Variants in PIAS1 observed in about 807,000 individuals in gnomAD.
PIAS1 encodes E3 SUMO-protein ligase PIAS1.
In PIAS1, 6 loss-of-function variants were observed where a neutral mutation model predicts 71.3. The ratio of observed to expected loss-of-function variants is 0.08; its 90% CI spans 0.05 to 0.17. The LOEUF is 0.17. Among genes scored for constraint, PIAS1 ranks in the 10% least tolerant of loss-of-function variants. The pLI, the probability that PIAS1 is intolerant of heterozygous loss-of-function variation, is 1.00. For synonymous variants in PIAS1, 303 were observed against 292.9 expected, an observed-to-expected ratio of 1.03 and a Z score of -0.35; for missense variants, 555 against 793.6, an observed-to-expected ratio of 0.70 and a Z score of 3.61.
intron 2 of PIAS1, chr15:68,087,699 C>A (rs754545339): frequency 1.6e-4 from 34 of 218,154 alleles, no homozygotes; most frequent in Non-Finnish European, 2.7e-4. Flanking sequence ...CTTGTGAATC[C>A]CTGTTACAGA....
At chr15:68,176,422 G>C in intron 10 of PIAS1, 52 bp from the exon 11 acceptor site, 2 of 1,214,224 alleles carry the variant, frequency 1.6e-6, no homozygotes, top group Non-Finnish European at 2.3e-6. Flanking sequence ...ACTGAGAAAA[G>C]AGAGATGTCA....
At chr15:68,070,946 T>C (rs2092088665) in intron 1 of PIAS1, among the ~76,000 whole-genome samples, 1 of 152,062 alleles carries the variant, frequency 6.6e-6, no homozygotes, top group African/African-American at 2.4e-5. Flanking sequence ...ATGTGGCTAG[T>C]AGCACATTTA....
At chr15:68,154,220 T>C (rs1453278905) in intron 7 of PIAS1, among the ~76,000 whole-genome samples, 1 of 152,232 alleles carries the variant, frequency 6.6e-6, no homozygotes, top group Non-Finnish European at 1.5e-5. Context: ...CTGCGAAGTC[T>C]GGGTTCATAC....
intron 2 of PIAS1, among the ~76,000 whole-genome samples, chr15:68,094,132 C>CTA (rs149657600): frequency 0.053 from 7,948 of 151,218 alleles, 668 homozygotes; most frequent in African/African-American, 0.18. Context: ...ATTTTCTGGG[C>CTA]TATATATATA....
chr15:68,136,071 T>C (rs2092731835), intron 2 of PIAS1, among the ~76,000 whole-genome samples: 1 of 57,708 alleles, frequency 1.7e-5, no homozygotes, highest in Non-Finnish European at 6.6e-5. Context: ...GCTCCTCACT[T>C]CCCAGACGGG....
Position 68,173,930 on chromosome 15 carries a change from C to T in PIAS1, c.1169+38C>T, listed in dbSNP as rs368219935. On this transcript the variant is annotated intron_variant, in intron 9 of 13. Transcript: ENST00000249636. This position sits in a 1 kb window ranked among gnomAD's most constrained non-coding sequence, Gnocchi z 4.3. ...AAGTGTTTTTGGTACCTTGAAATGA[C>T]CATATATTATCTGGGTTTGTTACAC... is the stretch of plus-strand genomic sequence containing the variant. 4 of 1,309,422 alleles carry T rather than the reference C, an allele frequency of 3.1e-6. No homozygotes were observed. Among genetic ancestry groups the T allele is most frequent in the African/African-American group, 1.5e-5 (1 of 67,008 alleles). The allele number at this position is 1,309,422 out of a possible 1,614,324, so 81.1% of individuals were successfully genotyped here. A position where few individuals can be genotyped will look rare whatever the true frequency, so the allele number is the denominator to read the frequency against.
At chr15:68,106,239 A>T (rs2092467456) in intron 2 of PIAS1, among the ~76,000 whole-genome samples, 1 of 151,902 alleles carries the variant, frequency 6.6e-6, no homozygotes, top group Non-Finnish European at 1.5e-5. Context: ...AGAGAAAGAA[A>T]TGAGAATATG....
chr15:68,080,384 T>G (rs535545636), intron 1 of PIAS1, among the ~76,000 whole-genome samples: 14 of 152,106 alleles, frequency 9.2e-5, no homozygotes, highest in Non-Finnish European at 1.9e-4. Flanking sequence ...CCTGGAGAGG[T>G]GGAAGATAAT....
At chr15:68,147,412 A>G (rs541074570) in intron 6 of PIAS1, among the ~76,000 whole-genome samples, 72 of 151,984 alleles carry the variant, frequency 4.7e-4, no homozygotes, top group African/African-American at 1.4e-3. Flanking sequence ...CTGTTTCTCT[A>G]TTGCTGTTTT....
At position 68,188,082 on chromosome 15, in the gene PIAS1, A is replaced by G; in HGVS notation, c.*247A>G. On this transcript the variant is annotated 3_prime_UTR_variant, in exon 14 of 14. Transcript: ENST00000249636. ...ACTTGTTTAAAAAAAAAAAGGAAAGAAAAGAAAAAAGAAAAACAAGCACCC... is the reference window on the plus strand; with the variant it reads ...ACTTGTTTAAAAAAAAAAAGGAAAGGAAAGAAAAAAGAAAAACAAGCACCC... The G allele has an allele frequency of 3.6e-6, 1 of 281,650 alleles. No homozygotes were observed. The highest frequency in any genetic ancestry group is 6.6e-6 in the Non-Finnish European group (1 of 151,318). The allele number at this position is 281,650 out of a possible 1,614,324, so 17.4% of individuals were successfully genotyped here.
chr15:68,137,768 A>T (rs772769152), intron 2 of PIAS1, among the ~76,000 whole-genome samples: 6 of 152,258 alleles, frequency 3.9e-5, no homozygotes, highest in Non-Finnish European at 7.3e-5. Context: ...GAAAGTAGTT[A>T]ATGAAAGTAG....
Position 68,055,940 on chromosome 15 carries a change from A to G in PIAS1, c.24+1590A>G, listed in dbSNP as rs1185053895. ...TATTGGCTTTGAGTGTCATTCTTTTAAAATGTACTTCTAATTACAAATTTA... is the reference window on the plus strand; with the variant it reads ...TATTGGCTTTGAGTGTCATTCTTTTGAAATGTACTTCTAATTACAAATTTA... On this transcript the variant is annotated intron_variant, in intron 1 of 13. Transcript: ENST00000249636. 5.7e-6 allele frequency: 4 copies of G among 699,768 alleles called. No individual in the cohort carries two copies. The Admixed American group carries it at 8.0e-5, about 14-fold the overall frequency. The allele number at this position is 699,768 out of a possible 1,614,324, so 43.3% of individuals were successfully genotyped here. A position where few individuals can be genotyped will look rare whatever the true frequency, so the allele number is the denominator to read the frequency against.
intron 2 of PIAS1, among the ~76,000 whole-genome samples, chr15:68,122,158 A>G (rs1397124684): frequency 6.6e-6 from 1 of 152,102 alleles, no homozygotes; most frequent in Non-Finnish European, 1.5e-5. Context: ...CTTTAAGGGC[A>G]AAGGATAATC....
In PIAS1 at chr15:68,092,048, CTT is replaced by C. The variant is rs1481442829; in HGVS notation, c.469+5301_469+5302del. Among the ~76,000 whole-genome samples, 4 of 152,256 alleles carry C rather than the reference CTT, an allele frequency of 2.6e-5. No individual in the cohort carries two copies. In the East Asian group the frequency reaches 7.7e-4, roughly 29 times the overall value. ...CAAATTTTACCTTCTCAGGGGATGT[CTT>C]TTCAAGTTTTTAAATATCTCAGGCA... On this transcript the variant is annotated intron_variant, in intron 2 of 13. Transcript: ENST00000249636.
chr15:68,117,096 C>G (rs1415514514), intron 2 of PIAS1, among the ~76,000 whole-genome samples: 1 of 151,884 alleles, frequency 6.6e-6, no homozygotes, highest in Admixed American at 6.6e-5. Context: ...GTTGCTGTTT[C>G]GTTTCTTGAG....
chr15:68,080,383 G>A (rs938658918), intron 1 of PIAS1, among the ~76,000 whole-genome samples: 2 of 152,172 alleles, frequency 1.3e-5, no homozygotes, highest in Non-Finnish European at 2.9e-5. Flanking sequence ...ACCTGGAGAG[G>A]TGGAAGATAA....
intron 2 of PIAS1, among the ~76,000 whole-genome samples, chr15:68,096,970 A>G (rs1355659385): frequency 6.6e-6 from 1 of 152,184 alleles, no homozygotes; most frequent in African/African-American, 2.4e-5. Flanking sequence ...AGTGGCAAGA[A>G]TTGCCTTGTT....
intron 1 of PIAS1, among the ~76,000 whole-genome samples, chr15:68,068,028 A>G (rs2092048020): frequency 1.3e-5 from 2 of 152,166 alleles, no homozygotes. Context: ...AGCATTCTTC[A>G]AAGAGGAGGA....
intron 1 of PIAS1, among the ~76,000 whole-genome samples, chr15:68,075,330 C>T (rs559460204): frequency 6.6e-6 from 1 of 152,078 alleles, no homozygotes; most frequent in South Asian, 2.1e-4. Context: ...AGGTGATCCG[C>T]CCACCTCGGC....
Sources: gnomAD v4.1 joint callset for allele counts (sites outside exome capture counted in the v4.1 genomes callset) on GRCh38, gnomAD v4.1.1 for gene constraint, Gnocchi (gnomAD v3.1) non-coding constraint, MANE v1.5 for transcripts, NCBI Gene and HGNC (gene_info 2026-07-23, HGNC 2026-07-21) for gene names.